The following IMPG2 variants were observed in gnomAD, a reference collection of about 807,000 sequenced individuals.
IMPG2 encodes IPM 200.
In IMPG2, 91 loss-of-function variants were observed where a neutral mutation model predicts 129.2. The ratio of observed to expected loss-of-function variants is 0.70; its 90% CI spans 0.59 to 0.84. The LOEUF (loss-of-function observed/expected upper bound fraction) is 0.84. Among genes scored for constraint, IMPG2 ranks in the 40% least tolerant of loss-of-function variants. The pLI is 0.00. For synonymous variants in IMPG2, 510 were observed against 517.7 expected, an observed-to-expected ratio of 0.99 and a Z score of 0.20; for missense variants, 1,430 against 1,461.7, an observed-to-expected ratio of 0.98 and a Z score of 0.35.
chr3:101,243,015 C>T (rs1706427737), intron 13 of IMPG2, 108 bp from the exon 14 acceptor site: 1 of 845,320 alleles, frequency 1.2e-6, no homozygotes, highest in African/African-American at 1.7e-5. Context: ...CCTCACTTTT[C>T]CTAATTGTAT....
At chr3:101,269,175 G>A (rs1490306818) in intron 8 of IMPG2, among the ~76,000 whole-genome samples, 1 of 148,910 alleles carries the variant, frequency 6.7e-6, no homozygotes, top group African/African-American at 2.5e-5. Context: ...ACACTGACAA[G>A]CTTTAGGAAA....
At chr3:101,252,426 G>A (rs886151738) in intron 11 of IMPG2, among the ~76,000 whole-genome samples, 4 of 151,948 alleles carry the variant, frequency 2.6e-5, no homozygotes, top group Non-Finnish European at 5.9e-5. Flanking sequence ...GAGAGTAGTG[G>A]CGCTGTCATC....
chr3:101,291,354 C>G, intron 4 of IMPG2, 125 bp downstream of exon 4: 2 of 819,288 alleles, frequency 2.4e-6, no homozygotes, highest in Non-Finnish European at 4.3e-6. Flanking sequence ...GACTTATCCA[C>G]AGGCCTGGTC....
chr3:101,227,702 C>A, intron 18 of IMPG2: 1 of 436,418 alleles, frequency 2.3e-6, no homozygotes. Context: ...TGGCTGCATT[C>A]AGCAAGACTG....
chr3:101,304,389 T>C (rs1202996240), intron 2 of IMPG2, 77 bp from the exon 3 acceptor site: 1 of 1,338,736 alleles, frequency 7.5e-7, no homozygotes, highest in African/African-American at 1.4e-5. Context: ...GACTGATTCG[T>C]ACAGATTCCT....
At chr3:101,300,636 G>A (rs888903238) in intron 3 of IMPG2, among the ~76,000 whole-genome samples, 7 of 152,300 alleles carry the variant, frequency 4.6e-5, no homozygotes, top group Middle Eastern at 3.4e-3. Context: ...TGGGGGCTGC[G>A]GCACCACACT....
At chr3:101,316,636 G>T (rs1004132429) in intron 2 of IMPG2, among the ~76,000 whole-genome samples, 1 of 152,042 alleles carries the variant, frequency 6.6e-6, no homozygotes. Flanking sequence ...TGAAGAAAAC[G>T]GAATCCTACT....
intron 7 of IMPG2, among the ~76,000 whole-genome samples, chr3:101,270,545 A>C (rs1358951554): frequency 1.3e-5 from 2 of 152,148 alleles, no homozygotes; most frequent in Non-Finnish European, 2.9e-5. Flanking sequence ...ATTGGACTAA[A>C]GATGTAAAAA....
intron 9 of IMPG2, among the ~76,000 whole-genome samples, chr3:101,267,167 A>G (rs1445682152): frequency 6.6e-6 from 1 of 152,226 alleles, no homozygotes; most frequent in Non-Finnish European, 1.5e-5. Flanking sequence ...AAAAATCAAA[A>G]AAAGAACAAT....
intron 6 of IMPG2, 116 bp downstream of exon 6, chr3:101,275,547 T>C: frequency 1.3e-6 from 1 of 784,542 alleles, no homozygotes; most frequent in Non-Finnish European, 2.2e-6. Context: ...ATCCATGTCA[T>C]TTTTCTAACA....
intron 9 of IMPG2, 93 bp from the exon 10 acceptor site, chr3:101,257,866 G>C (rs1418924184): frequency 7.1e-7 from 1 of 1,415,096 alleles, no homozygotes; most frequent in Admixed American, 1.7e-5. Flanking sequence ...TGGACCTAGA[G>C]GGGGAGTCTC....
rs895913939 is a variant in IMPG2, at chr3:101,311,479, A to G, written c.335-7167T>C. On this transcript the variant is annotated intron_variant, in intron 2 of 18. Coordinates refer to ENST00000193391, the MANE Select transcript of IMPG2 (RefSeq NM_016247.4). The stretch of plus-strand genomic sequence containing the variant: ...AACAAGTATGTATGCAAAAGCATCA[A>G]AAAGATTAAAATGCTTAGGAATAAA... Among the ~76,000 whole-genome samples, 3 of 152,228 alleles carry G rather than the reference A, an allele frequency of 2.0e-5. 1 individual carries two copies. In the East Asian group the frequency reaches 5.8e-4, roughly 29 times the overall value.
chr3:101,262,535 G>A (rs1465784605), intron 9 of IMPG2, among the ~76,000 whole-genome samples: 1 of 151,876 alleles, frequency 6.6e-6, no homozygotes, highest in Non-Finnish European at 1.5e-5. Flanking sequence ...GCAATTCTGG[G>A]TGACATCACT....
intron 4 of IMPG2, among the ~76,000 whole-genome samples, chr3:101,282,454 G>C (rs894781381): frequency 2.0e-5 from 3 of 152,008 alleles, no homozygotes; most frequent in Admixed American, 6.5e-5. Flanking sequence ...GTTATGTATT[G>C]TTATTTCTTT....
intron 15 of IMPG2, among the ~76,000 whole-genome samples, chr3:101,232,387 G>A (rs1706298349): frequency 2.0e-5 from 3 of 151,954 alleles, no homozygotes; most frequent in Admixed American, 2.0e-4. Flanking sequence ...ACAGGTGCCT[G>A]CCACCACACC....
In IMPG2 at chr3:101,319,764, C is replaced by G. The variant is rs773966942; in HGVS notation, c.154G>C (p.Glu52Gln). Reference sequence around the variant, plus strand: ...GTAGCTAGAGAAAGGTCTGTTGATTCTTCAGGCAGGAGAAAAGAAACTGCA... The same window carrying G: ...GTAGCTAGAGAAAGGTCTGTTGATTGTTCAGGCAGGAGAAAAGAAACTGCA... ...KSAVSFLLPE[E>Q]STDLSLATKK... Residue 52 changes from glutamate (E) to glutamine (Q), a missense_variant, in exon 2 of 19, where the codon GAA becomes CAA. Physicochemically the swap from Glu to Gln is conservative, Grantham distance 29. Transcript: ENST00000193391. The G allele has an allele frequency of 6.2e-7, 1 of 1,613,566 alleles. No homozygotes were observed. The highest frequency in any genetic ancestry group is 1.1e-5 in the South Asian group (1 of 91,076).
intron 10 of IMPG2, 23 bp from the exon 11 acceptor site, chr3:101,253,804 G>A: frequency 6.4e-7 from 1 of 1,551,728 alleles, no homozygotes; most frequent in Non-Finnish European, 8.9e-7. Context: ...CAATATTAAA[G>A]AACATTTTTA....
rs1009474125 is a variant in IMPG2 at position 101,225,279 on chromosome 3, G to C, written c.*1690C>G. On this transcript the variant is annotated 3_prime_UTR_variant, in exon 19 of 19. Coordinates refer to ENST00000193391, the MANE Select transcript of IMPG2 (RefSeq NM_016247.4). ...AAGACTAGAACATGTCAATAAAATA[G>C]TGGAAAGTGTACCTATACTGAACTG... The C allele has an allele frequency of 1.3e-5, 2 of 152,350 alleles. No individual in the cohort carries two copies. The highest frequency in any genetic ancestry group is 1.5e-5 in the Non-Finnish European group (1 of 68,028). The allele number at this position is 152,350 out of a possible 1,614,324, so 9.4% of individuals were successfully genotyped here.
Position 101,276,655 on chromosome 3 carries a change from A to T in IMPG2, c.583+9T>A. 6.3e-7 allele frequency: 1 copy of T among 1,587,530 alleles called. No individual in the cohort carries two copies. The stretch of plus-strand genomic sequence containing the variant: ...TAAAAGAAAAGTGAATGAAGACACA[A>T]AAGTATACCTCCCAATGTTGAAGTA... On this transcript the variant is annotated intron_variant, in intron 5 of 18. Coordinates refer to ENST00000193391, the MANE Select transcript of IMPG2 (RefSeq NM_016247.4).
Sources: gnomAD v4.1 joint callset for allele counts (sites outside exome capture counted in the v4.1 genomes callset) on GRCh38, gnomAD v4.1.1 for gene constraint, MANE v1.5 for transcripts, NCBI Gene and HGNC (gene_info 2026-07-23, HGNC 2026-07-21) for gene names.